FAP: variants seen among roughly 807,000 people sequenced by gnomAD.
FAP encodes prolyl endopeptidase FAP.
In FAP, 110 loss-of-function variants were observed where a neutral mutation model predicts 126.5. The ratio of observed to expected loss-of-function variants is 0.87; its 90% CI spans 0.74 to 1.02. The LOEUF (loss-of-function observed/expected upper bound fraction) is 1.02, where lower values mean the gene tolerates loss of function less well. FAP is among the 50% of genes least tolerant of loss of function. The pLI is 0.00. For missense variants in FAP, 919 were observed against 909.2 expected, an observed-to-expected ratio of 1.01 and a Z score of -0.14; for synonymous variants, 334 against 297.3, an observed-to-expected ratio of 1.12 and a Z score of -1.27.
chr2:162,195,556 A>G (rs1688224668), intron 16 of FAP, among the ~76,000 whole-genome samples: 1 of 151,684 alleles, frequency 6.6e-6, no homozygotes, highest in Admixed American at 6.6e-5. Flanking sequence ...GCTCAGCTGT[A>G]AGTTGTCAGC....
At position 162,219,916 on chromosome 2, in the gene FAP, T is replaced by A; in HGVS notation, c.423A>T (p.Val141=). ...YIYDLSNGEF[V]RGNELPRPIQ... ...TTGGACGAGGAAGCTCATTTCCTCTTACAAATTCTCTAGAAGGAAAGAAAG... is the reference window on the plus strand; with the variant it reads ...TTGGACGAGGAAGCTCATTTCCTCTAACAAATTCTCTAGAAGGAAAGAAAG... Residue 141 remains valine, a synonymous_variant, in exon 7 of 26, where the codon GTA becomes GTT. Transcript: ENST00000188790. 1 of 1,611,004 alleles carries A rather than the reference T, an allele frequency of 6.2e-7. No homozygotes were observed.
rs186076940 is a variant in FAP at position 162,214,518 on chromosome 2, G to T, written c.867-445C>A. Reference sequence around the variant, plus strand: ...GATTCATGTTGGAAGCTAAGTTTTAGCTGTGACTGTGGTCAGGTATTGAAA... The same window carrying T: ...GATTCATGTTGGAAGCTAAGTTTTATCTGTGACTGTGGTCAGGTATTGAAA... On this transcript the variant is annotated intron_variant, in intron 10 of 25. Transcript: ENST00000188790. Among the ~76,000 whole-genome samples the T allele has an allele frequency of 7.9e-5, 12 of 151,736 alleles. No homozygotes were observed. In the East Asian group the frequency reaches 2.3e-3, roughly 29 times the overall value.
At chr2:162,211,434 A>G (rs775584502) in intron 11 of FAP, among the ~76,000 whole-genome samples, 1 of 152,194 alleles carries the variant, frequency 6.6e-6, no homozygotes, top group Non-Finnish European at 1.5e-5. Flanking sequence ...CAGTTAGCCT[A>G]CCTTGCAAAT....
chr2:162,193,230 C>T (rs1435276595), intron 17 of FAP, among the ~76,000 whole-genome samples: 2 of 152,098 alleles, frequency 1.3e-5, no homozygotes, highest in Non-Finnish European at 2.9e-5. Context: ...AATTTCCAAG[C>T]ATAACTTAAG....
rs763795681 is a variant in FAP, at chr2:162,170,971, C to T, written c.*8G>A. On this transcript the variant is annotated 3_prime_UTR_variant, in exon 26 of 26. Transcript: ENST00000188790. ...AGATTCTGATACAGGCTTGCATCTG[C>T]ATCGTTTTTAGTCTGACAAAGAGAA... 32 of 1,606,748 alleles carry T rather than the reference C, an allele frequency of 2.0e-5. No homozygotes were observed. Among genetic ancestry groups the T allele is most frequent in the Non-Finnish European group, 2.6e-5 (30 of 1,173,662 alleles).
chr2:162,232,341 T>C (rs765776927), intron 2 of FAP, among the ~76,000 whole-genome samples: 4 of 152,222 alleles, frequency 2.6e-5, no homozygotes, highest in Non-Finnish European at 4.4e-5. Flanking sequence ...TGAGCTAACT[T>C]GCCTAATACA....
chr2:162,210,159 A>G (rs1292804053), intron 11 of FAP, among the ~76,000 whole-genome samples, 163 bp from the exon 12 acceptor site: 1 of 152,224 alleles, frequency 6.6e-6, no homozygotes, highest in Non-Finnish European at 1.5e-5. Context: ...AAAATCTCAT[A>G]TAACAGCACT....
At chr2:162,208,043 G>A (rs898048534) in intron 12 of FAP, among the ~76,000 whole-genome samples, 1 of 150,222 alleles carries the variant, frequency 6.7e-6, no homozygotes, top group Non-Finnish European at 1.5e-5. Context: ...GGATCACGAG[G>A]TCAAGAGATT....
At position 162,170,851 on chromosome 2, in the gene FAP, C is replaced by A. The variant is rs1004804230; in HGVS notation, c.*128G>T. 1 of 663,774 alleles carries A rather than the reference C, an allele frequency of 1.5e-6. No individual in the cohort carries two copies. Among genetic ancestry groups the A allele is most frequent in the Admixed American group, 2.9e-5 (1 of 34,202 alleles). The allele number at this position is 663,774 out of a possible 1,614,324, so 41.1% of individuals were successfully genotyped here. A position where few individuals can be genotyped will look rare whatever the true frequency, so the allele number is the denominator to read the frequency against. The stretch of plus-strand genomic sequence containing the variant: ...GAGTCCTCATCTTTTTTTTAACAGC[C>A]TTTAGAACAACATTAATTTGTTTGT... On this transcript the variant is annotated 3_prime_UTR_variant, in exon 26 of 26. Coordinates refer to ENST00000188790, the MANE Select transcript of FAP (RefSeq NM_004460.5).
intron 2 of FAP, among the ~76,000 whole-genome samples, chr2:162,234,025 C>T (rs1168410976): frequency 6.6e-6 from 1 of 152,148 alleles, no homozygotes; most frequent in Non-Finnish European, 1.5e-5. Flanking sequence ...AAGTAAAAGA[C>T]TTTATTTCTG....
Position 162,176,261 on chromosome 2 carries a change from T to G in FAP, c.1870-1295A>C, listed in dbSNP as rs186066182. ...AAATGCATGGAATGGGAGAATCAGC[T>G]AAATAATCTTGCTGAATCTAACAGT... On this transcript the variant is annotated intron_variant, in intron 21 of 25. Transcript: ENST00000188790. The G allele has an allele frequency of 4.3e-4, 65 of 152,296 alleles. 2 individuals are homozygous for G. In the East Asian group the frequency reaches 0.012, roughly 28 times the overall value. The allele number at this position is 152,296 out of a possible 1,614,324, so 9.4% of individuals were successfully genotyped here. A position where few individuals can be genotyped will look rare whatever the true frequency, so the allele number is the denominator to read the frequency against.
chr2:162,193,243 G>T (rs555250063), intron 17 of FAP, among the ~76,000 whole-genome samples: 1 of 152,034 alleles, frequency 6.6e-6, no homozygotes, highest in South Asian at 2.1e-4. Context: ...AACTTAAGAC[G>T]TACCACATTA....
At chr2:162,210,634 C>T (rs1388433536) in intron 11 of FAP, among the ~76,000 whole-genome samples, 1 of 152,072 alleles carries the variant, frequency 6.6e-6, no homozygotes, top group Admixed American at 6.6e-5. Flanking sequence ...TTTGGAGAAA[C>T]TTTATGGCAC....
intron 12 of FAP, 152 bp from the exon 13 acceptor site, chr2:162,203,297 A>G (rs1688570786): frequency 3.3e-6 from 2 of 605,074 alleles, no homozygotes; most frequent in East Asian, 2.8e-5. Flanking sequence ...CTGAAATCCC[A>G]TTCTTTCAGA....
chr2:162,211,619 T>A (rs761677427), intron 11 of FAP, among the ~76,000 whole-genome samples: 3 of 152,158 alleles, frequency 2.0e-5, no homozygotes, highest in Non-Finnish European at 4.4e-5. Context: ...GATAGACCAA[T>A]GCCTCAGAGA....
chr2:162,235,167 GC>G (rs1690070266), intron 2 of FAP, among the ~76,000 whole-genome samples: 1 of 71,960 alleles, frequency 1.4e-5, no homozygotes, highest in Admixed American at 1.1e-4. Flanking sequence ...CCTCCGCACC[GC>G]CCGCCCCCTG....
At chr2:162,195,297 T>C (rs1257666700) in intron 16 of FAP, among the ~76,000 whole-genome samples, 2 of 151,892 alleles carry the variant, frequency 1.3e-5, no homozygotes, top group African/African-American at 4.8e-5. Flanking sequence ...GAAGGAGGTT[T>C]GTGGGGGTGG....
intron 2 of FAP, among the ~76,000 whole-genome samples, chr2:162,237,463 T>A (rs1244159135): frequency 6.6e-6 from 1 of 152,098 alleles, no homozygotes; most frequent in Non-Finnish European, 1.5e-5. Context: ...AGTGAGAACA[T>A]GCAGTGTTCG....
Position 162,219,924 on chromosome 2 carries a change from C to A in FAP, c.415G>T (p.Glu139Ter), listed in dbSNP as rs1352355630. The change falls in exon 7 of 26, where the codon GAA (glutamate) becomes TAA (stop). Residue 139 changes from glutamate (E) to a stop codon, truncating the protein, a stop_gained and splice_region_variant. Coordinates refer to ENST00000188790, the MANE Select transcript of FAP (RefSeq NM_004460.5). LOFTEE classifies it high-confidence loss of function. Reference sequence around the variant, plus strand: ...GGAAGCTCATTTCCTCTTACAAATTCTCTAGAAGGAAAGAAAGAAAGAAAA... The same window carrying A: ...GGAAGCTCATTTCCTCTTACAAATTATCTAGAAGGAAAGAAAGAAAGAAAA... ...TYYIYDLSNG[E>*]FVRGNELPRP... 12 of 1,608,374 alleles carry A rather than the reference C, an allele frequency of 7.5e-6. No homozygotes were observed. Among genetic ancestry groups the A allele is most frequent in the Non-Finnish European group, 8.5e-6 (10 of 1,175,332 alleles).
Sources: allele counts gnomAD v4.1 joint callset (sites outside exome capture counted in the v4.1 genomes callset), GRCh38; gene constraint gnomAD v4.1.1; transcripts MANE v1.5; gene names NCBI Gene and HGNC (gene_info 2026-07-23, HGNC 2026-07-21).